The following CLDN10 variants were observed in gnomAD, a reference collection of about 807,000 sequenced individuals.
CLDN10 encodes claudin-10.
In CLDN10, 15 loss-of-function variants were observed where a neutral mutation model predicts 22.9. That is an observed-to-expected ratio of 0.65 (90% CI 0.44 to 1.01). CLDN10 has a LOEUF of 1.01. Among genes scored for constraint, CLDN10 ranks in the 50% least tolerant of loss-of-function variants. CLDN10 has a pLI of 0.00. For missense variants in CLDN10, 247 were observed against 287.8 expected, an observed-to-expected ratio of 0.86 and a Z score of 1.03; for synonymous variants, 114 against 111.4, an observed-to-expected ratio of 1.02 and a Z score of -0.15.
chr13:95,477,709 C>G (rs1191371539), intron 1 of CLDN10, among the ~76,000 whole-genome samples: 2 of 152,152 alleles, frequency 1.3e-5, no homozygotes, highest in Non-Finnish European at 2.9e-5. Flanking sequence ...TGTGGACCAG[C>G]AGCACCTGGG....
intron 2 of CLDN10, 39 bp downstream of exon 2, chr13:95,560,332 T>A (rs767815108): frequency 1.9e-6 from 3 of 1,613,304 alleles, no homozygotes; most frequent in Admixed American, 1.7e-5. Flanking sequence ...TACTTGATGA[T>A]GTTAATGAAA....
chr13:95,481,753 C>T (rs895862235), intron 1 of CLDN10, among the ~76,000 whole-genome samples: 1 of 152,206 alleles, frequency 6.6e-6, no homozygotes, highest in Non-Finnish European at 1.5e-5. Context: ...GGCACAGTAG[C>T]TCACGCCTGT....
intron 1 of CLDN10, among the ~76,000 whole-genome samples, chr13:95,488,578 A>C (rs1290393623): frequency 1.3e-5 from 2 of 151,928 alleles, no homozygotes; most frequent in Non-Finnish European, 2.9e-5. Context: ...TTGCATCCTC[A>C]TAGCTTAGCT....
intron 1 of CLDN10, among the ~76,000 whole-genome samples, chr13:95,455,253 C>A (rs1036455621): frequency 6.6e-6 from 1 of 151,856 alleles, no homozygotes; most frequent in Admixed American, 6.6e-5. Flanking sequence ...TGGCCAGTGG[C>A]CACAGGATTC....
intron 1 of CLDN10, among the ~76,000 whole-genome samples, chr13:95,484,205 G>A (rs1255705536): frequency 1.3e-5 from 2 of 152,182 alleles, no homozygotes; most frequent in Non-Finnish European, 1.5e-5. Context: ...CTGCAGCTCA[G>A]TCACTTTCTG....
Position 95,560,413 on chromosome 13 carries a change from T to C in CLDN10, c.414T>C (p.Tyr138=), listed in dbSNP as rs1278937296. Reference sequence around the variant, plus strand: ...GCTCAATGACTGGATGTTCCCTATATGCAAACAAAATCACAACGGAATTCT... The same window carrying C: ...GCTCAATGACTGGATGTTCCCTATACGCAAACAAAATCACAACGGAATTCT... ...GLCSMTGCSL[Y]ANKITTEFFD... Residue 138 remains tyrosine (Y), a synonymous_variant, in exon 3 of 5, where the codon TAT becomes TAC. Coordinates refer to ENST00000299339, the MANE Select transcript of CLDN10 (RefSeq NM_006984.5). 1.9e-6 allele frequency: 3 copies of C among 1,613,994 alleles called. No individual in the cohort carries two copies. Among genetic ancestry groups the C allele is most frequent in the Non-Finnish European group, 2.5e-6 (3 of 1,179,950 alleles).
intron 1 of CLDN10, among the ~76,000 whole-genome samples, chr13:95,510,079 C>T (rs954003388): frequency 6.6e-6 from 1 of 152,238 alleles, no homozygotes; most frequent in African/African-American, 2.4e-5. Context: ...GGAAAGCTCT[C>T]TTGAGCTTTT....
intron 1 of CLDN10, among the ~76,000 whole-genome samples, chr13:95,469,706 C>G (rs2042612433): frequency 6.6e-6 from 1 of 152,128 alleles, no homozygotes; most frequent in Non-Finnish European, 1.5e-5. Context: ...CATCATGAGC[C>G]CAGGATGAGC....
rs963177472 is a variant in CLDN10 at position 95,576,030 on chromosome 13, T to G, written c.465-1201T>G. Among the ~76,000 whole-genome samples, 4 of 152,294 alleles carry G rather than the reference T, an allele frequency of 2.6e-5. No homozygotes were observed. In the South Asian group the frequency reaches 6.2e-4, roughly 24 times the overall value. The stretch of plus-strand genomic sequence containing the variant: ...GCCCACCCTATTACACCACCCTGCC[T>G]GCGACTCAGACCACACCAGAAAGCC... On this transcript the variant is annotated intron_variant, in intron 3 of 4. Coordinates refer to ENST00000299339, the MANE Select transcript of CLDN10 (RefSeq NM_006984.5).
chr13:95,567,497 CT>C (rs1162443226), intron 3 of CLDN10, among the ~76,000 whole-genome samples: 1 of 152,194 alleles, frequency 6.6e-6, no homozygotes, highest in Non-Finnish European at 1.5e-5. Flanking sequence ...GCTGAAGTTG[CT>C]TATCAGCTTA....
At chr13:95,534,777 T>G (rs2043382474) in intron 1 of CLDN10, among the ~76,000 whole-genome samples, 1 of 152,248 alleles carries the variant, frequency 6.6e-6, no homozygotes, top group Admixed American at 6.5e-5. Flanking sequence ...ATTTTCCTAA[T>G]ATCTCCAAAC....
chr13:95,482,605 C>T (rs1457859530), intron 1 of CLDN10, among the ~76,000 whole-genome samples: 1 of 152,186 alleles, frequency 6.6e-6, no homozygotes, highest in African/African-American at 2.4e-5. Flanking sequence ...TGCTGTGTTA[C>T]CCAGGAGCTC....
intron 1 of CLDN10, among the ~76,000 whole-genome samples, chr13:95,478,149 GA>G (rs5805937): frequency 0.12 from 17,488 of 149,718 alleles, 1,118 homozygotes; most frequent in South Asian, 0.22. Context: ...AACTAAAATA[GA>G]AAAAAAAAAT....
intron 1 of CLDN10, among the ~76,000 whole-genome samples, chr13:95,479,175 C>T (rs2042716302): frequency 6.6e-6 from 1 of 152,160 alleles, no homozygotes; most frequent in South Asian, 2.1e-4. Context: ...ATGGTGAAAC[C>T]GTATCTCTAC....
chr13:95,541,561 G>T (rs897390844), intron 1 of CLDN10, among the ~76,000 whole-genome samples: 4 of 152,102 alleles, frequency 2.6e-5, no homozygotes, highest in Non-Finnish European at 5.9e-5. Context: ...TGAAGGGGAG[G>T]AGGAGACAAT....
At chr13:95,495,985 G>A (rs1196843786) in intron 1 of CLDN10, among the ~76,000 whole-genome samples, 3 of 152,170 alleles carry the variant, frequency 2.0e-5, no homozygotes. Context: ...CTCTGCTCTT[G>A]AAAGTAGGTT....
intron 1 of CLDN10, among the ~76,000 whole-genome samples, chr13:95,471,453 A>ATATATATATATTTT (rs776857009): frequency 1.9e-5 from 2 of 106,414 alleles, no homozygotes; most frequent in Non-Finnish European, 3.6e-5. Context: ...ATATATATAT[A>ATATATATATATTTT]TTTTTTTTTT....
intron 1 of CLDN10, among the ~76,000 whole-genome samples, chr13:95,470,940 G>C (rs921111679): frequency 1.3e-5 from 2 of 152,150 alleles, no homozygotes; most frequent in African/African-American, 4.8e-5. Flanking sequence ...CCCTACTGCG[G>C]GCCCGGCTCT....
chr13:95,463,285 A>AAT (rs200962205), intron 1 of CLDN10, among the ~76,000 whole-genome samples: 1,784 of 39,674 alleles, frequency 0.045, 67 homozygotes, highest in Non-Finnish European at 0.072. Flanking sequence ...GCAAATGCTT[A>AAT]ATATATATAT....
Sources: gnomAD v4.1 joint callset for allele counts (sites outside exome capture counted in the v4.1 genomes callset) on GRCh38, gnomAD v4.1.1 for gene constraint, MANE v1.5 for transcripts, NCBI Gene and HGNC (gene_info 2026-07-23, HGNC 2026-07-21) for gene names.